The following CADM2 variants were observed in gnomAD, a reference collection of about 807,000 sequenced individuals.
The protein encoded by CADM2 is cell adhesion molecule 2.
Under a neutral mutation model 49.8 loss-of-function variants are expected in CADM2, and 12 were observed. That is an observed-to-expected ratio of 0.24 (90% CI 0.15 to 0.39). The LOEUF is 0.39. CADM2 is among the 10% of genes least tolerant of loss of function. The pLI is 1.00. For missense variants in CADM2, 378 were observed against 492.3 expected (o/e 0.77, Z 2.20); for synonymous variants, 214 against 175.4 (o/e 1.22, Z -1.74).
At chr3:85,401,926 T>C (rs1028317963) in intron 1 of CADM2, among the ~76,000 whole-genome samples, 6 of 152,168 alleles carry the variant, frequency 3.9e-5, no homozygotes, top group Non-Finnish European at 4.4e-5. Context: ...GATATTTGGA[T>C]TTTTCTTTTT....
chr3:85,610,706 G>A lies in CADM2; in HGVS notation c.62-115816G>A, dbSNP rs993389779. On this transcript the variant is annotated intron_variant, in intron 1 of 9. Coordinates refer to ENST00000383699, the MANE Select transcript of CADM2 (RefSeq NM_001167675.2). Reference sequence around the variant, plus strand: ...CTCTTAACCACTTCATTATGGCAACGTGCAATAAATGTGTTAAGTACAACT... The same window carrying A: ...CTCTTAACCACTTCATTATGGCAACATGCAATAAATGTGTTAAGTACAACT... Among the ~76,000 whole-genome samples the A allele has an allele frequency of 5.3e-5, 8 of 151,972 alleles. 1 individual carries two copies. The highest frequency in any genetic ancestry group is 6.8e-3 in the Middle Eastern group (2 of 294).
intron 1 of CADM2, among the ~76,000 whole-genome samples, chr3:85,001,304 A>C (rs2033449629): frequency 6.6e-6 from 1 of 151,906 alleles, no homozygotes; most frequent in Non-Finnish European, 1.5e-5. Flanking sequence ...TGATAATTCT[A>C]TTTTTAATAT....
intron 8 of CADM2, among the ~76,000 whole-genome samples, chr3:85,980,732 T>C (rs1727371902): frequency 6.6e-6 from 1 of 151,594 alleles, no homozygotes; most frequent in African/African-American, 2.4e-5. Flanking sequence ...TGTAAGGTTT[T>C]TCACAAACGG....
intron 1 of CADM2, among the ~76,000 whole-genome samples, chr3:85,065,394 T>C (rs2036491313): frequency 6.6e-6 from 1 of 152,126 alleles, no homozygotes; most frequent in South Asian, 2.1e-4. Context: ...TAGGTTTAAC[T>C]ACTATTAATT....
chr3:85,056,765 T>A (rs1395349815), intron 1 of CADM2, among the ~76,000 whole-genome samples: 1 of 152,138 alleles, frequency 6.6e-6, no homozygotes, highest in Non-Finnish European at 1.5e-5. Context: ...TCATCTTCTG[T>A]AATGAAAATA....
intron 1 of CADM2, among the ~76,000 whole-genome samples, chr3:85,161,432 C>T (rs2107668070): frequency 6.6e-6 from 1 of 152,150 alleles, no homozygotes. Context: ...TATGGCAGGG[C>T]TGGGATCCCC....
chr3:85,420,883 T>C (rs1451733330), intron 1 of CADM2, among the ~76,000 whole-genome samples: 1 of 152,172 alleles, frequency 6.6e-6, no homozygotes, highest in Non-Finnish European at 1.5e-5. Flanking sequence ...CATTTTTTTT[T>C]AAGACAAGGT....
intron 3 of CADM2, among the ~76,000 whole-genome samples, chr3:85,817,848 G>A (rs2073311006): frequency 6.6e-6 from 1 of 151,736 alleles, no homozygotes; most frequent in South Asian, 2.1e-4. Context: ...CCTTCTTGAG[G>A]ACAATGAGTT....
intron 1 of CADM2, among the ~76,000 whole-genome samples, chr3:85,023,212 G>A (rs111689040): frequency 2.3e-4 from 35 of 152,162 alleles, no homozygotes; most frequent in African/African-American, 7.9e-4. Flanking sequence ...TTTTGTTATT[G>A]CTGTTGTTGG....
chr3:85,029,807 TCACCTTGTATCTGACTAGTGA>T (rs997367796), intron 1 of CADM2, among the ~76,000 whole-genome samples: 88 of 152,326 alleles, frequency 5.8e-4, no homozygotes, highest in African/African-American at 2.0e-3. Context: ...AACTGAATCT[TCACCTTGTATCTGACTAGTGA>T]CACTTCTTCT....
chr3:85,483,400 AG>A (rs2039290737), intron 1 of CADM2, among the ~76,000 whole-genome samples: 1 of 151,300 alleles, frequency 6.6e-6, no homozygotes, highest in Non-Finnish European at 1.5e-5. Context: ...ATATGTAAAT[AG>A]ATTTACATAT....
At chr3:85,003,860 G>C (rs17022263) in intron 1 of CADM2, among the ~76,000 whole-genome samples, 3,260 of 152,212 alleles carry the variant, frequency 0.021, 108 homozygotes, top group African/African-American at 0.074. Flanking sequence ...CCTTGAAATA[G>C]ATGGTTTAAT....
At position 85,729,566 on chromosome 3, in the gene CADM2, C is replaced by T. The variant is rs542970777; in HGVS notation, c.88+3018C>T. ...GGTTGATCAGTTCTGTTACTCTTCA[C>T]GCGTAAATTTTGTATGTAGATTTAA... is the stretch of plus-strand genomic sequence containing the variant. On this transcript the variant is annotated intron_variant, in intron 2 of 9. Coordinates refer to ENST00000383699, the MANE Select transcript of CADM2 (RefSeq NM_001167675.2). Among the ~76,000 whole-genome samples, 46 of 152,212 alleles carry T rather than the reference C, an allele frequency of 3.0e-4. 1 individual carries two copies. Among genetic ancestry groups the T allele is most frequent in the South Asian group, 1.5e-3 (7 of 4,824 alleles).
chr3:85,659,623 C>A (rs1237443661), intron 1 of CADM2, among the ~76,000 whole-genome samples: 1 of 152,058 alleles, frequency 6.6e-6, no homozygotes, highest in African/African-American at 2.4e-5. Context: ...CTCCATAAAT[C>A]CTTATGTAGC....
chr3:85,011,137 C>A (rs960591516), intron 1 of CADM2, among the ~76,000 whole-genome samples: 1 of 151,738 alleles, frequency 6.6e-6, no homozygotes, highest in African/African-American at 2.4e-5. Context: ...GTGCTGGGAT[C>A]ACAGGCGTGA....
chr3:85,940,930 C>G (rs988899607), intron 7 of CADM2, among the ~76,000 whole-genome samples: 23 of 152,078 alleles, frequency 1.5e-4, no homozygotes, highest in Middle Eastern at 3.4e-3. Flanking sequence ...TACCCCCGTC[C>G]TCACCCACTG....
chr3:85,810,532 G>GTTTT lies in CADM2; in HGVS notation c.238+8357_238+8360dup, dbSNP rs71112120. Among the ~76,000 whole-genome samples the GTTTT allele has an allele frequency of 8.6e-4, 75 of 87,186 alleles. 1 individual carries two copies. The highest frequency in any genetic ancestry group is 1.3e-3 in the Non-Finnish European group (60 of 47,242). 57.2% of individuals were successfully genotyped at this position (87,186 alleles called of 152,430 possible). ...TTAAAGTATATGCTCATAGAATTCT[G>GTTTT]TTTTTTTTTTTTTTTTTTTTTTTTG... is the stretch of plus-strand genomic sequence containing the variant. On this transcript the variant is annotated intron_variant, in intron 3 of 9. Transcript: ENST00000383699.
At chr3:85,754,412 C>CT (rs1446877702) in intron 2 of CADM2, among the ~76,000 whole-genome samples, 2 of 152,152 alleles carry the variant, frequency 1.3e-5, no homozygotes, top group Non-Finnish European at 2.9e-5. Context: ...GCTACCTACT[C>CT]TAACACTCTA....
intron 1 of CADM2, among the ~76,000 whole-genome samples, chr3:85,377,337 C>T (rs549194679): frequency 4.1e-4 from 62 of 152,028 alleles, no homozygotes; most frequent in Non-Finnish European, 7.9e-4. Context: ...TGCTGTTTAT[C>T]ATTAGTGACA....
Sources: allele counts gnomAD v4.1 joint callset (sites outside exome capture counted in the v4.1 genomes callset), GRCh38; gene constraint gnomAD v4.1.1; transcripts MANE v1.5; gene names NCBI Gene and HGNC (gene_info 2026-07-23, HGNC 2026-07-21).